Variants in SH3GL2 observed in about 807,000 individuals in gnomAD.
The protein encoded by SH3GL2 is endophilin-A1.
In SH3GL2, 24 loss-of-function variants were observed where a neutral mutation model predicts 46.0. The ratio of observed to expected loss-of-function variants is 0.52; its 90% CI spans 0.38 to 0.73. The LOEUF (loss-of-function observed/expected upper bound fraction) is 0.73. Among genes scored for constraint, SH3GL2 ranks in the 30% least tolerant of loss-of-function variants. The pLI is 0.00. For synonymous variants in SH3GL2, 196 were observed against 147.1 expected, an observed-to-expected ratio of 1.33 and a Z score of -2.40; for missense variants, 413 against 424.2, an observed-to-expected ratio of 0.97 and a Z score of 0.23.
chr9:17,734,338 C>T (rs1199476037), intron 1 of SH3GL2, among the ~76,000 whole-genome samples: 1 of 152,104 alleles, frequency 6.6e-6, no homozygotes, highest in African/African-American at 2.4e-5. Context: ...TCTTAGGTAA[C>T]AGGACAAATA....
chr9:17,768,286 G>A (rs1471751835), intron 3 of SH3GL2, among the ~76,000 whole-genome samples: 1 of 149,418 alleles, frequency 6.7e-6, no homozygotes, highest in African/African-American at 2.5e-5. Context: ...CAGGAGAATG[G>A]CATGAACCTG....
At chr9:17,794,049 C>G (rs1214022012) in intron 8 of SH3GL2, among the ~76,000 whole-genome samples, 1 of 152,172 alleles carries the variant, frequency 6.6e-6, no homozygotes, top group Admixed American at 6.5e-5. Flanking sequence ...GTTTTCCTTC[C>G]CATGCCTCAC....
intron 1 of SH3GL2, among the ~76,000 whole-genome samples, chr9:17,618,984 A>G (rs1336970222): frequency 1.3e-5 from 2 of 152,198 alleles, no homozygotes; most frequent in Non-Finnish European, 2.9e-5. Context: ...CAAAAATGAC[A>G]TAAGATCATT....
At chr9:17,693,577 C>T (rs1343527620) in intron 1 of SH3GL2, among the ~76,000 whole-genome samples, 1 of 152,182 alleles carries the variant, frequency 6.6e-6, no homozygotes, top group Non-Finnish European at 1.5e-5. Flanking sequence ...CACATACACA[C>T]ACACATATAA....
chr9:17,738,636 A>ATATATATATG, intron 1 of SH3GL2, among the ~76,000 whole-genome samples: 1 of 95,700 alleles, frequency 1.0e-5, no homozygotes, highest in South Asian at 5.3e-4. Context: ...TTATATATAT[A>ATATATATATG]TATATAGAGA....
intron 3 of SH3GL2, among the ~76,000 whole-genome samples, chr9:17,763,985 A>G (rs528917650): frequency 6.6e-6 from 1 of 152,338 alleles, no homozygotes; most frequent in African/African-American, 2.4e-5. Flanking sequence ...TTTAATAAAA[A>G]ACATCAAAGG....
chr9:17,702,460 T>A (rs545165386), intron 1 of SH3GL2, among the ~76,000 whole-genome samples: 1 of 151,764 alleles, frequency 6.6e-6, no homozygotes, highest in Admixed American at 6.6e-5. Flanking sequence ...AAAACACCCA[T>A]GAGCTGGGTC....
At position 17,733,603 on chromosome 9, in the gene SH3GL2, A is replaced by G. The variant is rs189412585; in HGVS notation, c.46-13463A>G. On this transcript the variant is annotated intron_variant, in intron 1 of 8. Transcript: ENST00000380607. Reference sequence around the variant, plus strand: ...TAGAACTAGAAATACCATTTGACCCAGCCATCCCATTACTGGGTATATACC... The same window carrying G: ...TAGAACTAGAAATACCATTTGACCCGGCCATCCCATTACTGGGTATATACC... Among the ~76,000 whole-genome samples the G allele has an allele frequency of 1.2e-3, 182 of 150,948 alleles. 6 individuals carry two copies. The East Asian group carries it at 0.027, about 22-fold the overall frequency.
rs566424702 is a variant in SH3GL2, at chr9:17,741,394, C to G, written c.46-5672C>G. On this transcript the variant is annotated intron_variant, in intron 1 of 8. Coordinates refer to ENST00000380607, the MANE Select transcript of SH3GL2 (RefSeq NM_003026.5). ...TAAGAAAATAATTAGGTCATTAATA[C>G]TAATTGCAGTTGTAATGAAAGTTGT... Among the ~76,000 whole-genome samples the G allele has an allele frequency of 5.3e-4, 81 of 152,212 alleles. 1 individual carries two copies. Among genetic ancestry groups the G allele is most frequent in the Admixed American group, 1.5e-3 (23 of 15,276 alleles).
At chr9:17,640,754 T>C (rs1055577639) in intron 1 of SH3GL2, among the ~76,000 whole-genome samples, 3 of 152,226 alleles carry the variant, frequency 2.0e-5, no homozygotes, top group Admixed American at 2.0e-4. Flanking sequence ...TTATTGTGCA[T>C]ATATTATTTA....
At chr9:17,785,363 C>A (rs1263350152) in intron 3 of SH3GL2, among the ~76,000 whole-genome samples, 1 of 152,180 alleles carries the variant, frequency 6.6e-6, no homozygotes, top group African/African-American at 2.4e-5. Flanking sequence ...ATTGTAATAT[C>A]CCTGGGACAG....
intron 1 of SH3GL2, among the ~76,000 whole-genome samples, chr9:17,743,569 A>AACACACACACACACACACACACACAC (rs58408701): frequency 1.0e-4 from 15 of 143,588 alleles, no homozygotes; most frequent in East Asian, 4.3e-4. Context: ...CTCTTTTGTG[A>AACACACACACACACACACACACACAC]ACACACACAC....
intron 1 of SH3GL2, among the ~76,000 whole-genome samples, chr9:17,696,007 G>A (rs1484422526): frequency 6.6e-6 from 1 of 152,036 alleles, no homozygotes; most frequent in African/African-American, 2.4e-5. Flanking sequence ...TCTAGTTCAG[G>A]CTGTGTTGTT....
intron 1 of SH3GL2, among the ~76,000 whole-genome samples, chr9:17,600,710 T>A (rs1818654569): frequency 6.6e-6 from 1 of 152,204 alleles, no homozygotes; most frequent in Non-Finnish European, 1.5e-5. Context: ...TTGTACTACT[T>A]TAGTTTTTGT....
chr9:17,706,801 A>T (rs73645148), intron 1 of SH3GL2, among the ~76,000 whole-genome samples: 24,422 of 151,894 alleles, frequency 0.16, 3,109 homozygotes, highest in African/African-American at 0.34. Context: ...TATACCATTA[A>T]AATGAATAAT....
chr9:17,774,882 T>C (rs1040232596), intron 3 of SH3GL2, among the ~76,000 whole-genome samples: 1 of 151,170 alleles, frequency 6.6e-6, no homozygotes, highest in African/African-American at 2.4e-5. Context: ...AAATATTTGG[T>C]AGAAGTCACT....
chr9:17,690,393 T>C (rs755559495), intron 1 of SH3GL2, among the ~76,000 whole-genome samples: 6 of 152,146 alleles, frequency 3.9e-5, no homozygotes, highest in East Asian at 3.9e-4. Flanking sequence ...AACTTCGTGC[T>C]GCAGCTCCCT....
intron 1 of SH3GL2, among the ~76,000 whole-genome samples, chr9:17,735,223 G>C (rs895859586): frequency 2.6e-5 from 4 of 152,102 alleles, no homozygotes; most frequent in African/African-American, 7.2e-5. Flanking sequence ...CTCACTGGCA[G>C]ATGTTGACAT....
chr9:17,690,323 A>G (rs1218158605), intron 1 of SH3GL2, among the ~76,000 whole-genome samples: 1 of 152,072 alleles, frequency 6.6e-6, no homozygotes, highest in Non-Finnish European at 1.5e-5. Context: ...TAAAAAGTTG[A>G]ATATGTCTGA....
Sources: allele counts gnomAD v4.1 joint callset (sites outside exome capture counted in the v4.1 genomes callset), GRCh38; gene constraint gnomAD v4.1.1; transcripts MANE v1.5; gene names NCBI Gene and HGNC (gene_info 2026-07-23, HGNC 2026-07-21).